P2RY14: variants seen among roughly 807,000 people sequenced by gnomAD.
The protein encoded by P2RY14 is P2Y purinoceptor 14.
In P2RY14, 2 loss-of-function variants were observed where a neutral mutation model predicts 0.9. That is an observed-to-expected ratio of 2.16 (90% CI 0.88 to 6.79). The LOEUF is 6.79. Among genes scored for constraint, P2RY14 ranks in the 30% most tolerant of loss-of-function variants. P2RY14 has a pLI of 0.05. For synonymous variants in P2RY14, 158 were observed against 147.2 expected (o/e 1.07, Z -0.53); for missense variants, 378 against 400.1 (o/e 0.94, Z 0.47).
chr3:151,270,195 T>TTGTGTGTGTGTGTG (rs1740633898), intron 1 of P2RY14: 1 of 54,096 alleles, frequency 1.8e-5, no homozygotes, highest in African/African-American at 1.1e-4. Flanking sequence ...GAGCAAGCTG[T>TTGTGTGTGTGTGTG]CGTGTGTGTG....
intron 2 of P2RY14, among the ~76,000 whole-genome samples, chr3:151,216,464 A>G (rs1329499172): frequency 1.3e-5 from 2 of 152,374 alleles, no homozygotes; most frequent in Middle Eastern, 3.4e-3. Context: ...AAAATAGTAC[A>G]TCCATGTAAA....
rs59961357 is a variant in P2RY14, at chr3:151,225,440, G to A, written c.-132-5798C>T. Among the ~76,000 whole-genome samples, 596 of 152,262 alleles carry A rather than the reference G, an allele frequency of 3.9e-3. 2 individuals are homozygous for A. The highest frequency in any genetic ancestry group is 0.014 in the African/African-American group (575 of 41,544). On this transcript the variant is annotated intron_variant, in intron 1 of 2. Transcript: ENST00000309170. ...TGCATCATGGTGGAAGGGCAAGTGAGCATGTGAGACCAAGAGAAAAAGAGG... is the reference window on the plus strand; with the variant it reads ...TGCATCATGGTGGAAGGGCAAGTGAACATGTGAGACCAAGAGAAAAAGAGG...
chr3:151,278,040 C>T (rs1417158040), intron 1 of P2RY14, among the ~76,000 whole-genome samples: 1 of 152,178 alleles, frequency 6.6e-6, no homozygotes, highest in Non-Finnish European at 1.5e-5. Context: ...TATATTTTGA[C>T]AGCCACGATT....
chr3:151,254,328 A>G (rs1737411202), intron 1 of P2RY14, among the ~76,000 whole-genome samples: 1 of 152,212 alleles, frequency 6.6e-6, no homozygotes, highest in Non-Finnish European at 1.5e-5. Flanking sequence ...TCACGTAACT[A>G]GAGCTATATG....
intron 1 of P2RY14, among the ~76,000 whole-genome samples, chr3:151,260,739 A>G (rs1432432831): frequency 6.6e-6 from 1 of 152,188 alleles, no homozygotes; most frequent in East Asian, 1.9e-4. Flanking sequence ...TGAGGTTTGT[A>G]GGTATTTGGA....
intron 1 of P2RY14, among the ~76,000 whole-genome samples, chr3:151,248,659 C>T (rs546991951): frequency 3.9e-5 from 6 of 152,028 alleles, no homozygotes; most frequent in African/African-American, 1.4e-4. Flanking sequence ...CATGCCTTAT[C>T]AAATTAAAAA....
chr3:151,240,331 C>G (rs1733828242), intron 1 of P2RY14, among the ~76,000 whole-genome samples: 2 of 152,182 alleles, frequency 1.3e-5, no homozygotes, highest in South Asian at 4.1e-4. Flanking sequence ...GGACCTCTGA[C>G]TCTCAGATTA....
chr3:151,246,695 C>G (rs1735580100), intron 1 of P2RY14, among the ~76,000 whole-genome samples: 1 of 152,204 alleles, frequency 6.6e-6, no homozygotes, highest in African/African-American at 2.4e-5. Context: ...CATTACCATT[C>G]AGGACATAGG....
intron 1 of P2RY14, among the ~76,000 whole-genome samples, chr3:151,249,577 A>G (rs1736439054): frequency 6.6e-6 from 1 of 152,122 alleles, no homozygotes; most frequent in Admixed American, 6.5e-5. Flanking sequence ...TTGCTCCTCT[A>G]GACTTATCCT....
intron 1 of P2RY14, 41 bp from the exon 2 acceptor site, chr3:151,219,683 A>C (rs1033849385): frequency 6.6e-6 from 1 of 152,226 alleles, no homozygotes; most frequent in Non-Finnish European, 1.5e-5. Flanking sequence ...TTAAGTGAGC[A>C]CCTGACTTTT....
intron 2 of P2RY14, among the ~76,000 whole-genome samples, chr3:151,218,695 T>C (rs1279159219): frequency 6.6e-6 from 1 of 151,618 alleles, no homozygotes; most frequent in Non-Finnish European, 1.5e-5. Flanking sequence ...GATGAAACCC[T>C]GCCTCTACTA....
intron 2 of P2RY14, among the ~76,000 whole-genome samples, chr3:151,215,654 A>G (rs1728063937): frequency 6.6e-6 from 1 of 152,220 alleles, no homozygotes; most frequent in African/African-American, 2.4e-5. Context: ...ATTAAATTCA[A>G]AAGGTTATTT....
intron 1 of P2RY14, among the ~76,000 whole-genome samples, chr3:151,246,155 TGGGTA>T: frequency 6.6e-6 from 1 of 152,158 alleles, no homozygotes; most frequent in African/African-American, 2.4e-5. Flanking sequence ...TCCATGCTCA[TGGGTA>T]GGAAGAATAA....
chr3:151,218,595 A>G (rs181538085), intron 2 of P2RY14, among the ~76,000 whole-genome samples: 2 of 152,246 alleles, frequency 1.3e-5, no homozygotes, highest in Admixed American at 6.5e-5. Flanking sequence ...GTGGCCGGGC[A>G]CGGTGGCTCA....
At chr3:151,239,111 G>A (rs935451699) in intron 1 of P2RY14, among the ~76,000 whole-genome samples, 2 of 152,172 alleles carry the variant, frequency 1.3e-5, no homozygotes, top group Admixed American at 6.5e-5. Context: ...ATATTAATTA[G>A]TATGATTTTT....
intron 1 of P2RY14, among the ~76,000 whole-genome samples, chr3:151,267,311 G>A (rs1559960337): frequency 6.6e-6 from 1 of 152,182 alleles, no homozygotes. Context: ...GGAAATGGTA[G>A]TCATTGAAAT....
intron 1 of P2RY14, among the ~76,000 whole-genome samples, chr3:151,242,354 C>T (rs1202937735): frequency 1.3e-5 from 2 of 152,170 alleles, no homozygotes; most frequent in Admixed American, 1.3e-4. Context: ...GCAGTAACCT[C>T]TGCAGACTTA....
intron 1 of P2RY14, among the ~76,000 whole-genome samples, chr3:151,273,402 A>ATTTTTTTTT (rs531443713): frequency 5.3e-5 from 6 of 113,666 alleles, no homozygotes; most frequent in Non-Finnish European, 8.7e-5. Context: ...TAATTTTTGT[A>ATTTTTTTTT]TTTTTTTTTT....
intron 1 of P2RY14, chr3:151,249,008 C>G (rs971282537): frequency 6.6e-6 from 1 of 152,162 alleles, no homozygotes; most frequent in African/African-American, 2.4e-5. Flanking sequence ...GCTTTCAAAT[C>G]AAAACATTTA....
Sources: allele counts gnomAD v4.1 joint callset (sites outside exome capture counted in the v4.1 genomes callset), GRCh38; gene constraint gnomAD v4.1.1; transcripts MANE v1.5; gene names NCBI Gene and HGNC (gene_info 2026-07-23, HGNC 2026-07-21).